Variants in POLR2B observed in about 807,000 individuals in gnomAD.
The protein encoded by POLR2B is RNA polymerase II subunit B, also known as DNA-directed RNA polymerase II subunit RPB2.
A neutral mutation model predicts 144.6 loss-of-function variants in POLR2B; 57 were observed. The ratio of observed to expected loss-of-function variants is 0.39; its 90% CI spans 0.32 to 0.49. The LOEUF (loss-of-function observed/expected upper bound fraction) is 0.49, where lower values mean the gene tolerates loss of function less well. Ranked by LOEUF, POLR2B falls within the 20% of genes least tolerant of loss-of-function variation. POLR2B has a pLI of 0.83. For synonymous variants in POLR2B, 442 were observed against 469.8 expected, an observed-to-expected ratio of 0.94 and a Z score of 0.77; for missense variants, 595 against 1,467.4, an observed-to-expected ratio of 0.41 and a Z score of 9.71.
At chr4:57,003,955 T>C (rs2109679468) in intron 7 of POLR2B, among the ~76,000 whole-genome samples, 1 of 150,796 alleles carries the variant, frequency 6.6e-6, no homozygotes, top group African/African-American at 2.4e-5. Context: ...AGTGAGACCC[T>C]GTCTCAAAAA....
intron 1 of POLR2B, among the ~76,000 whole-genome samples, chr4:56,983,861 T>C (rs942119211): frequency 6.7e-6 from 1 of 150,134 alleles, no homozygotes; most frequent in Admixed American, 6.7e-5. Flanking sequence ...GTCAGGAATA[T>C]TCATATCACT....
chr4:56,982,343 T>C (rs1722180915), intron 1 of POLR2B, among the ~76,000 whole-genome samples: 1 of 152,032 alleles, frequency 6.6e-6, no homozygotes, highest in African/African-American at 2.4e-5. Flanking sequence ...ATTGAAAATA[T>C]TAAAAAGCTT....
intron 17 of POLR2B, among the ~76,000 whole-genome samples, chr4:57,021,906 C>T (rs574288309): frequency 2.1e-4 from 32 of 152,270 alleles, no homozygotes; most frequent in African/African-American, 7.7e-4. Context: ...GATTCATTGA[C>T]CCCTGGGTCT....
chr4:56,985,457 G>A (rs1013444085), intron 1 of POLR2B: 49 of 985,364 alleles, frequency 5.0e-5, no homozygotes, highest in East Asian at 1.1e-4. Context: ...ACTTTCGGGC[G>A]GTGAGTGAGA....
intron 6 of POLR2B, among the ~76,000 whole-genome samples, chr4:56,997,857 G>A (rs1314480612): frequency 6.6e-6 from 1 of 152,192 alleles, no homozygotes; most frequent in African/African-American, 2.4e-5. Flanking sequence ...GTGAGAATGG[G>A]AGTGGAATGG....
chr4:56,999,831 T>A, intron 7 of POLR2B, 50 bp downstream of exon 7: 1 of 1,285,566 alleles, frequency 7.8e-7, no homozygotes, highest in Admixed American at 1.9e-5. Context: ...AGATTTAGAG[T>A]TACTGATTGT....
chr4:57,011,556 G>A (rs960987881), intron 13 of POLR2B, among the ~76,000 whole-genome samples: 3 of 151,542 alleles, frequency 2.0e-5, no homozygotes, highest in Non-Finnish European at 4.4e-5. Context: ...TGGGCATGGT[G>A]GCTCACGCCT....
chr4:57,011,459 CGG>C (rs1028695239), intron 13 of POLR2B, among the ~76,000 whole-genome samples: 2 of 151,918 alleles, frequency 1.3e-5, no homozygotes, highest in Non-Finnish European at 2.9e-5. Flanking sequence ...ACCCGGGAGG[CGG>C]GGGTTATGGT....
intron 2 of POLR2B, among the ~76,000 whole-genome samples, chr4:56,989,666 T>TA (rs1722453129): frequency 6.6e-6 from 1 of 152,180 alleles, no homozygotes; most frequent in Non-Finnish European, 1.5e-5. Context: ...CTCACAGATA[T>TA]AAGATGACAG....
chr4:57,026,946 TTTATA>T (rs771796162), intron 23 of POLR2B, among the ~76,000 whole-genome samples: 7 of 152,216 alleles, frequency 4.6e-5, no homozygotes, highest in Non-Finnish European at 1.0e-4. Context: ...TATTTTATTT[TTTATA>T]TTTAAGTATA....
Position 57,020,972 on chromosome 4 carries a change from A to C in POLR2B, c.2397A>C (p.Ser799=), listed in dbSNP as rs756793956. ...AAGACTCTGTTATCATGAATCGTTC[A>C]GCTGTAGACCGCGGCTTCTTCAGGT... ...NQEDSVIMNR[S]AVDRGFFRSV... Residue 799 remains serine (S), a synonymous_variant, in exon 17 of 25, where the codon TCA becomes TCC. Transcript: ENST00000314595. The C allele has an allele frequency of 5.0e-6, 8 of 1,598,970 alleles. No homozygotes were observed. The East Asian group carries it at 1.6e-4, about 31-fold the overall frequency.
At chr4:57,003,911 C>A (rs187252539) in intron 7 of POLR2B, among the ~76,000 whole-genome samples, 2 of 151,894 alleles carry the variant, frequency 1.3e-5, no homozygotes, top group Admixed American at 1.3e-4. Flanking sequence ...CTGTACTCCT[C>A]CTAGCTACCA....
At chr4:57,015,755 AT>A (rs1367826341) in intron 14 of POLR2B, 99 bp downstream of exon 14, 8 of 361,762 alleles carry the variant, frequency 2.2e-5, no homozygotes, top group Non-Finnish European at 3.6e-5. Flanking sequence ...TTTTTATTTA[AT>A]TTTATTTATT....
At chr4:56,981,952 A>C (rs1560469055) in intron 1 of POLR2B, among the ~76,000 whole-genome samples, 1 of 152,232 alleles carries the variant, frequency 6.6e-6, no homozygotes, top group Non-Finnish European at 1.5e-5. Context: ...TGTTGATGAC[A>C]TCTTCCCGGA....
Position 57,022,246 on chromosome 4 carries a change from GGTAA to G in POLR2B, c.2515+3_2515+6del. 1 of 1,572,242 alleles carries G rather than the reference GGTAA, an allele frequency of 6.4e-7. No homozygotes were observed. The highest frequency in any genetic ancestry group is 8.7e-7 in the Non-Finnish European group (1 of 1,147,288). On this transcript the variant is annotated splice_donor_variant and splice_donor_region_variant and intron_variant, in intron 18 of 24. Coordinates refer to ENST00000314595, the MANE Select transcript of POLR2B (RefSeq NM_000938.3). LOFTEE classifies it high-confidence loss of function. ...GAAGCCTACACGTGAAACATGCCAGGGTAAGTGACACTAACATTTAAATGATGGA... is the reference window on the plus strand; with the variant it reads ...GAAGCCTACACGTGAAACATGCCAGGGTGACACTAACATTTAAATGATGGA...
chr4:56,992,430 A>G (rs1578561505), intron 3 of POLR2B, among the ~76,000 whole-genome samples: 1 of 109,736 alleles, frequency 9.1e-6, no homozygotes, highest in Admixed American at 1.4e-4. Flanking sequence ...ACGCCACTGC[A>G]CTCCAGCCTG....
At chr4:57,001,864 G>C (rs1165162617) in intron 7 of POLR2B, among the ~76,000 whole-genome samples, 2 of 152,104 alleles carry the variant, frequency 1.3e-5, no homozygotes. Flanking sequence ...TGTCCAGAGC[G>C]CTTAAGACTA....
At chr4:56,986,572 T>C (rs998574233) in intron 2 of POLR2B, 146 bp downstream of exon 2, 17 of 503,566 alleles carry the variant, frequency 3.4e-5, no homozygotes, top group Non-Finnish European at 5.3e-5. Context: ...ATTTCAGATC[T>C]AAAAGTTACA....
intron 9 of POLR2B, 103 bp from the exon 10 acceptor site, chr4:57,006,713 T>C: frequency 1.2e-6 from 1 of 855,340 alleles, no homozygotes; most frequent in South Asian, 1.7e-5. Flanking sequence ...GCCCAAACAA[T>C]TTTTGCTCAC....
Sources: gnomAD v4.1 joint callset for allele counts (sites outside exome capture counted in the v4.1 genomes callset) on GRCh38, gnomAD v4.1.1 for gene constraint, MANE v1.5 for transcripts, NCBI Gene and HGNC (gene_info 2026-07-23, HGNC 2026-07-21) for gene names.